The following ELAVL2 variants were observed in gnomAD, a reference collection of about 807,000 sequenced individuals.
ELAVL2 encodes ELAV like RNA binding protein 2.
ELAVL2 carries 4 observed loss-of-function variants against 34.6 expected under a neutral mutation model. The ratio of observed to expected loss-of-function variants is 0.12; its 90% CI spans 0.06 to 0.26. The LOEUF is 0.26. ELAVL2 is among the 10% of genes least tolerant of loss of function. ELAVL2 has a pLI of 1.00. For missense variants in ELAVL2, 432 were observed against 442.8 expected (o/e 0.98, Z 0.22); for synonymous variants, 193 against 154.8 (o/e 1.25, Z -1.83).
intron 1 of ELAVL2, among the ~76,000 whole-genome samples, chr9:23,779,780 A>G (rs1280090403): frequency 6.6e-6 from 1 of 151,958 alleles, no homozygotes; most frequent in Non-Finnish European, 1.5e-5. Context: ...AGAGACCAGG[A>G]GAAACTATAC....
intron 3 of ELAVL2, among the ~76,000 whole-genome samples, chr9:23,725,453 G>A (rs570747406): frequency 3.9e-5 from 6 of 152,262 alleles, no homozygotes; most frequent in Admixed American, 3.9e-4. Flanking sequence ...TGTGCTGCAG[G>A]TATTTTAACA....
intron 3 of ELAVL2, among the ~76,000 whole-genome samples, chr9:23,709,846 T>C (rs1452147623): frequency 1.3e-5 from 2 of 151,934 alleles, no homozygotes; most frequent in East Asian, 3.9e-4. Flanking sequence ...AGCCAGAGAG[T>C]CTGCAATTTA....
intron 2 of ELAVL2, among the ~76,000 whole-genome samples, chr9:23,741,382 G>A (rs1035877186): frequency 1.3e-5 from 2 of 152,140 alleles, no homozygotes; most frequent in African/African-American, 4.8e-5. Flanking sequence ...GGAGGCACAC[G>A]AGGGACCCAG....
chr9:23,704,417 AATTT>A (rs1482163023), intron 4 of ELAVL2, among the ~76,000 whole-genome samples: 1 of 152,180 alleles, frequency 6.6e-6, no homozygotes, highest in African/African-American at 2.4e-5. Context: ...GAATAAAATA[AATTT>A]TTAACATTCA....
At chr9:23,707,159 G>A (rs998332555) in intron 3 of ELAVL2, among the ~76,000 whole-genome samples, 7 of 152,312 alleles carry the variant, frequency 4.6e-5, no homozygotes, top group African/African-American at 1.2e-4. Context: ...GAACTTAAAT[G>A]TAAGTGAAGA....
intron 1 of ELAVL2, among the ~76,000 whole-genome samples, chr9:23,815,018 G>A (rs938315772): frequency 6.6e-6 from 1 of 152,118 alleles, no homozygotes; most frequent in Non-Finnish European, 1.5e-5. Flanking sequence ...TAACTTACTT[G>A]ACAGGGCATC....
At chr9:23,753,790 C>G (rs1271938699) in intron 2 of ELAVL2, among the ~76,000 whole-genome samples, 1 of 152,116 alleles carries the variant, frequency 6.6e-6, no homozygotes, top group African/African-American at 2.4e-5. Context: ...CAGAAAAGGT[C>G]TGGAATAGCA....
At chr9:23,694,848 TGA>T (rs2034543651) in intron 5 of ELAVL2, among the ~76,000 whole-genome samples, 1 of 152,020 alleles carries the variant, frequency 6.6e-6, no homozygotes, top group Non-Finnish European at 1.5e-5. Flanking sequence ...TCTTCGTGTG[TGA>T]GTGTGTCTCT....
At chr9:23,745,488 G>A (rs1478454478) in intron 2 of ELAVL2, among the ~76,000 whole-genome samples, 1 of 152,048 alleles carries the variant, frequency 6.6e-6, no homozygotes, top group South Asian at 2.1e-4. Context: ...ACACAAAATT[G>A]ACTAGATTCT....
Position 23,787,680 on chromosome 9 carries a change from T to C in ELAVL2, c.-15-25431A>G, listed in dbSNP as rs570412033. On this transcript the variant is annotated intron_variant, in intron 1 of 6. Coordinates refer to ENST00000397312, the MANE Select transcript of ELAVL2 (RefSeq NM_004432.5). ...CCACACATCAATGAAGCAGCTAAAA[T>C]AACCAATATCTTGCTTCACCCCAGA... Among the ~76,000 whole-genome samples the C allele has an allele frequency of 1.6e-3, 246 of 152,004 alleles. 3 individuals carry two copies. The Middle Eastern group carries it at 0.045, about 28-fold the overall frequency.
the ELAVL2 span, among the ~76,000 whole-genome samples, chr9:23,837,091 G>A: frequency 1.3e-5 from 2 of 152,146 alleles, no homozygotes; most frequent in Admixed American, 1.3e-4. Context: ...TGACAATAAT[G>A]AAAGTGTTTT....
chr9:23,701,274 C>G, intron 5 of ELAVL2, 105 bp downstream of exon 5: 2 of 1,260,750 alleles, frequency 1.6e-6, no homozygotes, highest in East Asian at 2.3e-5. Context: ...ACCAACAACA[C>G]TGACAAAAGC....
At chr9:23,741,793 C>T (rs2049266741) in intron 2 of ELAVL2, among the ~76,000 whole-genome samples, 1 of 152,148 alleles carries the variant, frequency 6.6e-6, no homozygotes, top group Non-Finnish European at 1.5e-5. Flanking sequence ...CCTTTGAAAG[C>T]CCTACGGTAA....
chr9:23,713,259 A>T (rs2133770645), intron 3 of ELAVL2, among the ~76,000 whole-genome samples: 1 of 152,332 alleles, frequency 6.6e-6, no homozygotes. Context: ...TTAGGCCATA[A>T]ATACCTTACC....
rs530911264 is a variant in ELAVL2, at chr9:23,777,977, T to G, written c.-15-15728A>C. 1.1e-3 allele frequency among the ~76,000 whole-genome samples: 6 copies of G among 5,292 alleles called. No individual in the cohort carries two copies. The East Asian group carries it at 0.3, about 265-fold the overall frequency. The allele number at this position is 5,292 out of a possible 152,430, so 3.5% of individuals were successfully genotyped here. A position where few individuals can be genotyped will look rare whatever the true frequency, so the allele number is the denominator to read the frequency against. On this transcript the variant is annotated intron_variant, in intron 1 of 6. Transcript: ENST00000397312. ...GCCAACATAAACAGCAGCAGCCAGG[T>G]GGCCTACTCTGAACATTCTTCCTGA... is the stretch of plus-strand genomic sequence containing the variant.
At chr9:23,748,695 T>C (rs768637540) in intron 2 of ELAVL2, among the ~76,000 whole-genome samples, 12 of 152,114 alleles carry the variant, frequency 7.9e-5, no homozygotes, top group Non-Finnish European at 1.5e-4. Flanking sequence ...GGACGTTTCT[T>C]TTACGGGGAA....
upstream of ELAVL2, among the ~76,000 whole-genome samples, chr9:23,827,657 A>T (rs1291410167): frequency 3.3e-5 from 5 of 152,186 alleles, no homozygotes; most frequent in Non-Finnish European, 7.4e-5. Flanking sequence ...AGAATGCCGG[A>T]AAAAGAAGAC....
At chr9:23,816,315 A>G (rs1178238142) in intron 1 of ELAVL2, among the ~76,000 whole-genome samples, 1 of 106,678 alleles carries the variant, frequency 9.4e-6, no homozygotes, top group Non-Finnish European at 1.8e-5. Context: ...AAAAGCTTTC[A>G]GTAAAAAAAA....
At position 23,729,698 on chromosome 9, in the gene ELAVL2, A is replaced by G. The variant is rs371814291; in HGVS notation, c.333+1324T>C. Reference sequence around the variant, plus strand: ...TCTTGGACCTCTCATACCCTAGTATATTTGGGAACCACTATATACTTTCAT... The same window carrying G: ...TCTTGGACCTCTCATACCCTAGTATGTTTGGGAACCACTATATACTTTCAT... On this transcript the variant is annotated intron_variant, in intron 3 of 6. Coordinates refer to ENST00000397312, the MANE Select transcript of ELAVL2 (RefSeq NM_004432.5). Among the ~76,000 whole-genome samples, 129 of 152,212 alleles carry G rather than the reference A, an allele frequency of 8.5e-4. No individual in the cohort carries two copies. In the South Asian group the frequency reaches 0.013, roughly 15 times the overall value.
Sources: gnomAD v4.1 joint callset for allele counts (sites outside exome capture counted in the v4.1 genomes callset) on GRCh38, gnomAD v4.1.1 for gene constraint, MANE v1.5 for transcripts, NCBI Gene and HGNC (gene_info 2026-07-23, HGNC 2026-07-21) for gene names.